The following FOXP2 variants were observed in gnomAD, a reference collection of about 807,000 sequenced individuals.
FOXP2 encodes forkhead box P2.
FOXP2 carries 12 observed loss-of-function variants against 115.8 expected under a neutral mutation model. The ratio of observed to expected loss-of-function variants is 0.10; its 90% CI spans 0.07 to 0.17. The LOEUF (loss-of-function observed/expected upper bound fraction) is 0.17. Among genes scored for constraint, FOXP2 ranks in the 10% least tolerant of loss-of-function variants. The probability of loss-of-function intolerance (pLI) is 1.00; values close to 1 mark genes in which losing one functional copy is unlikely to be tolerated. For missense variants in FOXP2, 629 were observed against 843.5 expected, an observed-to-expected ratio of 0.75 and a Z score of 3.15; for synonymous variants, 328 against 297.7, an observed-to-expected ratio of 1.10 and a Z score of -1.05.
At position 114,400,013 on chromosome 7, in the gene FOXP2, C is replaced by T. The variant is rs1016040902; in HGVS notation, c.-10-26489C>T. 3.7e-4 allele frequency among the ~76,000 whole-genome samples: 56 copies of T among 151,918 alleles called. 1 individual carries two copies. The Middle Eastern group carries it at 0.017, about 46-fold the overall frequency. On this transcript the variant is annotated intron_variant, in intron 2 of 17. Coordinates refer to the FOXP2 transcript ENST00000634411. ...CTGGGATTACAGGCGCCTGGTACCG[C>T]ACCTGGCTAATCTCTGTATTTTTAG...
intron 2 of FOXP2, among the ~76,000 whole-genome samples, chr7:114,500,708 G>A (rs995785516): frequency 6.6e-6 from 1 of 152,112 alleles, no homozygotes; most frequent in Admixed American, 6.6e-5. Flanking sequence ...TAGAATCAGG[G>A]CTGGAACATA....
rs1244331443 is a variant in FOXP2 at position 114,526,170 on chromosome 7, A to AT, written c.169-8445dup. On this transcript the variant is annotated intron_variant, in intron 2 of 16. Coordinates refer to ENST00000350908, the MANE Select transcript of FOXP2 (RefSeq NM_014491.4). The stretch of plus-strand genomic sequence containing the variant: ...ATTAAGCTCATTATTATGTTTCTTT[A>AT]TTAAAAAAAAAAAAAAAAAAAAAAA... 9.4e-3 allele frequency among the ~76,000 whole-genome samples: 893 copies of AT among 95,012 alleles called. 7 individuals carry two copies. The highest frequency in any genetic ancestry group is 0.015 in the Non-Finnish European group (715 of 48,580). The allele number at this position is 95,012 out of a possible 152,430, so 62.3% of individuals were successfully genotyped here. A position where few individuals can be genotyped will look rare whatever the true frequency, so the allele number is the denominator to read the frequency against.
At chr7:114,347,941 A>G (rs746064513) in intron 2 of FOXP2, among the ~76,000 whole-genome samples, 1 of 152,142 alleles carries the variant, frequency 6.6e-6, no homozygotes, top group Non-Finnish European at 1.5e-5. Flanking sequence ...ATGAAACTCT[A>G]AATGGTAAAA....
intron 2 of FOXP2, among the ~76,000 whole-genome samples, chr7:114,463,914 C>T (rs1215366543): frequency 6.6e-6 from 1 of 152,042 alleles, no homozygotes; most frequent in Non-Finnish European, 1.5e-5. Flanking sequence ...CAATAACTAA[C>T]AAAGAGAGAG....
At chr7:114,343,477 G>T (rs1791262991) in intron 2 of FOXP2, among the ~76,000 whole-genome samples, 1 of 151,540 alleles carries the variant, frequency 6.6e-6, no homozygotes, top group South Asian at 2.1e-4. Flanking sequence ...AAGAGAGATA[G>T]AGTTAGGCTC....
At chr7:114,328,884 TG>T (rs1797626637) in intron 2 of FOXP2, among the ~76,000 whole-genome samples, 1 of 152,152 alleles carries the variant, frequency 6.6e-6, no homozygotes, top group African/African-American at 2.4e-5. Context: ...ATACTAACCA[TG>T]ATATACTCTC....
intron 6 of FOXP2, among the ~76,000 whole-genome samples, chr7:114,641,365 T>C (rs1286299386): frequency 6.6e-6 from 1 of 152,222 alleles, no homozygotes; most frequent in Non-Finnish European, 1.5e-5. Context: ...ATTTTTATTG[T>C]TGTATAATTC....
intron 2 of FOXP2, among the ~76,000 whole-genome samples, chr7:114,486,280 G>A (rs886894429): frequency 6.6e-6 from 1 of 152,102 alleles, no homozygotes; most frequent in Admixed American, 6.6e-5. Context: ...GAGCACATGT[G>A]CAGGGGAACT....
chr7:114,663,655 T>TACAACTTGG, intron 15 of FOXP2, 136 bp downstream of exon 15: 1 of 715,430 alleles, frequency 1.4e-6, no homozygotes, highest in Non-Finnish European at 2.4e-6. Context: ...TACCTAGTAC[T>TACAACTTGG]ATAGACAGCA....
chr7:114,596,283 A>G (rs1802701919), intron 3 of FOXP2, among the ~76,000 whole-genome samples: 1 of 152,000 alleles, frequency 6.6e-6, no homozygotes, highest in Non-Finnish European at 1.5e-5. Context: ...TCTGGAGTTT[A>G]TGGCAAGCAA....
chr7:114,333,038 C>T (rs145714353), intron 2 of FOXP2, among the ~76,000 whole-genome samples: 2 of 151,692 alleles, frequency 1.3e-5, no homozygotes, highest in East Asian at 3.9e-4. Flanking sequence ...TCCTTTCTAC[C>T]ACAAAACGAA....
At chr7:114,516,000 A>T (rs981358465) in intron 2 of FOXP2, among the ~76,000 whole-genome samples, 8 of 152,192 alleles carry the variant, frequency 5.3e-5, no homozygotes, top group East Asian at 3.9e-4. Flanking sequence ...TAATTTATAG[A>T]TTCAATGCCA....
intron 1 of FOXP2, among the ~76,000 whole-genome samples, chr7:114,152,305 T>C (rs1792548676): frequency 6.6e-6 from 1 of 152,132 alleles, no homozygotes; most frequent in Non-Finnish European, 1.5e-5. Context: ...TAAAATAGTC[T>C]ATTATGTACA....
chr7:114,588,503 A>G (rs938368274), intron 3 of FOXP2, among the ~76,000 whole-genome samples: 2 of 152,050 alleles, frequency 1.3e-5, no homozygotes, highest in Admixed American at 1.3e-4. Context: ...AAAATGAAAT[A>G]CTCTCTGCCC....
chr7:114,247,570 T>C (rs1562834633), intron 1 of FOXP2, among the ~76,000 whole-genome samples: 2 of 152,210 alleles, frequency 1.3e-5, no homozygotes, highest in Non-Finnish European at 2.9e-5. Context: ...AACTGGCACA[T>C]GGCTGCGTCC....
At chr7:114,172,334 G>T (rs986470807) in intron 1 of FOXP2, among the ~76,000 whole-genome samples, 3 of 152,126 alleles carry the variant, frequency 2.0e-5, no homozygotes, top group Non-Finnish European at 4.4e-5. Context: ...CTTATCAGTG[G>T]TTGCCAGGAG....
chr7:114,545,867 C>G (rs1799897287), intron 3 of FOXP2, among the ~76,000 whole-genome samples: 1 of 152,128 alleles, frequency 6.6e-6, no homozygotes, highest in South Asian at 2.1e-4. Context: ...CTTTAATATC[C>G]TCCCCATCCT....
At chr7:114,447,322 C>T (rs1200324765) in intron 2 of FOXP2, among the ~76,000 whole-genome samples, 1 of 151,986 alleles carries the variant, frequency 6.6e-6, no homozygotes, top group East Asian at 1.9e-4. Flanking sequence ...CAAATTTGGG[C>T]ATGTCATGTC....
chr7:114,280,348 A>G (rs1477700187), intron 1 of FOXP2, among the ~76,000 whole-genome samples: 1 of 151,830 alleles, frequency 6.6e-6, no homozygotes, highest in Non-Finnish European at 1.5e-5. Flanking sequence ...CCAATTTTTC[A>G]TATATTACTT....
Sources: gnomAD v4.1 joint callset for allele counts (sites outside exome capture counted in the v4.1 genomes callset) on GRCh38, gnomAD v4.1.1 for gene constraint, MANE v1.5 for transcripts, NCBI Gene and HGNC (gene_info 2026-07-23, HGNC 2026-07-21) for gene names.